The following BRIP1 variants were observed in gnomAD, a reference collection of about 807,000 sequenced individuals.
BRIP1 encodes the protein BRCA1 interacting DNA helicase 1, also known as Fanconi anemia group J protein.
Under a neutral mutation model 119.7 loss-of-function variants are expected in BRIP1, and 88 were observed. The observed-to-expected ratio is 0.74, with a 90% CI of 0.62 to 0.88. The LOEUF (loss-of-function observed/expected upper bound fraction) is 0.88. BRIP1 is among the 40% of genes least tolerant of loss of function. BRIP1 has a pLI of 0.00. For missense variants in BRIP1, 1,259 were observed against 1,455.4 expected (o/e 0.87, Z 2.20); for synonymous variants, 443 against 496.5 (o/e 0.89, Z 1.43).
At chr17:61,837,955 GAAACTAAATGATTTTCATAA>G (rs1197810722) in intron 6 of BRIP1, among the ~76,000 whole-genome samples, 2 of 152,086 alleles carry the variant, frequency 1.3e-5, no homozygotes, top group Non-Finnish European at 2.9e-5. Context: ...CCACTAGGTG[GAAACTAAATGATTTTCATAA>G]AAACTAAGAA....
At position 61,789,349 on chromosome 17, in the gene BRIP1, G is replaced by C. The variant is rs1465993275; in HGVS notation, c.1473+4248C>G. On this transcript the variant is annotated intron_variant, in intron 10 of 19. Transcript: ENST00000259008. The surrounding 1 kb of genome is among the most constrained non-coding windows in gnomAD (Gnocchi z 4.8). ...GTAGCAGAGGTAGCATTACAAATTAGAGGGAAATTAATATGCACTATTTAG... is the reference window on the plus strand; with the variant it reads ...GTAGCAGAGGTAGCATTACAAATTACAGGGAAATTAATATGCACTATTTAG... Among the ~76,000 whole-genome samples, 1 of 151,860 alleles carries C rather than the reference G, an allele frequency of 6.6e-6. No individual in the cohort carries two copies. The highest frequency in any genetic ancestry group is 1.5e-5 in the Non-Finnish European group (1 of 67,974).
intron 14 of BRIP1, among the ~76,000 whole-genome samples, chr17:61,763,786 C>T (rs550047083): frequency 1.3e-5 from 2 of 152,132 alleles, no homozygotes; most frequent in East Asian, 3.9e-4. Context: ...AATACAAGAA[C>T]CCAAATAGAT....
chr17:61,858,788 T>C (rs185290767), intron 3 of BRIP1, among the ~76,000 whole-genome samples: 44 of 152,328 alleles, frequency 2.9e-4, no homozygotes, highest in African/African-American at 9.4e-4. Context: ...CCTAATACTT[T>C]AGGTTAAAGC....
At position 61,748,698 on chromosome 17, in the gene BRIP1, G is replaced by A. The variant is rs1367021029; in HGVS notation, c.2098-4107C>T. Among the ~76,000 whole-genome samples, 1 of 152,182 alleles carries A rather than the reference G, an allele frequency of 6.6e-6. No homozygotes were observed. Among genetic ancestry groups the A allele is most frequent in the Non-Finnish European group, 1.5e-5 (1 of 68,022 alleles). On this transcript the variant is annotated intron_variant, in intron 14 of 19. Transcript: ENST00000259008. This position sits in a 1 kb window ranked among gnomAD's most constrained non-coding sequence, Gnocchi z 4.7. ...TGATCAACTGATCTTCAGCAAGGGT[G>A]CCAAAAATACATAATGGGGAAAGGA... is the stretch of plus-strand genomic sequence containing the variant.
Position 61,827,949 on chromosome 17 carries a change from T to C in BRIP1, c.627+19152A>G, listed in dbSNP as rs2078434057. 6.6e-6 allele frequency among the ~76,000 whole-genome samples: 1 copy of C among 152,178 alleles called. No individual in the cohort carries two copies. The highest frequency in any genetic ancestry group is 2.4e-5 in the African/African-American group (1 of 41,454). Reference sequence around the variant, plus strand: ...GTGGAGAAACTGGAACCCCTGTGCATTGCTGATGGAACTGTAAAATGGTAC... The same window carrying C: ...GTGGAGAAACTGGAACCCCTGTGCACTGCTGATGGAACTGTAAAATGGTAC... On this transcript the variant is annotated intron_variant, in intron 6 of 19. Transcript: ENST00000259008. The surrounding 1 kb of genome is among the most constrained non-coding windows in gnomAD (Gnocchi z 5.8).
rs765453237 is a variant in BRIP1 at position 61,729,408 on chromosome 17, A to T, written c.2380-13345T>A. 4.0e-5 allele frequency among the ~76,000 whole-genome samples: 6 copies of T among 150,520 alleles called. No individual in the cohort carries two copies. Among genetic ancestry groups the T allele is most frequent in the Non-Finnish European group, 8.9e-5 (6 of 67,728 alleles). The stretch of plus-strand genomic sequence containing the variant: ...TAGATTTAATTAAAAATTGTAATGT[A>T]ACTATCTTGGGAGGCTATAAGAAGG... On this transcript the variant is annotated intron_variant, in intron 16 of 19. Transcript: ENST00000259008. This position sits in a 1 kb window ranked among gnomAD's most constrained non-coding sequence, Gnocchi z 5.6.
At chr17:61,847,287 A>G in intron 5 of BRIP1, 67 bp from the exon 6 acceptor site, 1 of 1,532,778 alleles carries the variant, frequency 6.5e-7, no homozygotes, top group Admixed American at 1.7e-5. Context: ...TTGTTCTCAA[A>G]GGCCAAAACA....
rs1040442765 is a variant in BRIP1, at chr17:61,755,277, T to G, written c.2098-10686A>C. ...CCCAAGTCCTTAATAAAAGAAGAGT[T>G]GGCTGGGTGCAGTGGCCCACACCTG... On this transcript the variant is annotated intron_variant, in intron 14 of 19. Coordinates refer to ENST00000259008, the MANE Select transcript of BRIP1 (RefSeq NM_032043.3). This position sits in a 1 kb window ranked among gnomAD's most constrained non-coding sequence, Gnocchi z 4.5. Among the ~76,000 whole-genome samples, 1 of 152,108 alleles carries G rather than the reference T, an allele frequency of 6.6e-6. No homozygotes were observed. Among genetic ancestry groups the G allele is most frequent in the African/African-American group, 2.4e-5 (1 of 41,426 alleles).
chr17:61,768,273 T>C lies in BRIP1; in HGVS notation c.2097+8128A>G, dbSNP rs1381155132. Among the ~76,000 whole-genome samples, 3 of 152,200 alleles carry C rather than the reference T, an allele frequency of 2.0e-5. No individual in the cohort carries two copies. Among genetic ancestry groups the C allele is most frequent in the Admixed American group, 6.5e-5 (1 of 15,280 alleles). On this transcript the variant is annotated intron_variant, in intron 14 of 19. Transcript: ENST00000259008. This position sits in a 1 kb window ranked among gnomAD's most constrained non-coding sequence, Gnocchi z 5.0. Reference sequence around the variant, plus strand: ...ATCTTAAATATAATATAAGCAAGGCTCTCAATATAAATATTTTGGTATTTT... The same window carrying C: ...ATCTTAAATATAATATAAGCAAGGCCCTCAATATAAATATTTTGGTATTTT...
Position 61,776,144 on chromosome 17 carries a change from C to T in BRIP1, c.2097+257G>A. 1 of 440,856 alleles carries T rather than the reference C, an allele frequency of 2.3e-6. No homozygotes were observed. The highest frequency in any genetic ancestry group is 4.2e-6 in the Non-Finnish European group (1 of 239,956). The allele number at this position is 440,856 out of a possible 1,614,324, so 27.3% of individuals were successfully genotyped here. Reference sequence around the variant, plus strand: ...TGATCCTCCCAGCTCAGCCTCCCAACCTGCTGGGATTACAAGCATGAGCCA... The same window carrying T: ...TGATCCTCCCAGCTCAGCCTCCCAATCTGCTGGGATTACAAGCATGAGCCA... On this transcript the variant is annotated intron_variant, in intron 14 of 19. Coordinates refer to ENST00000259008, the MANE Select transcript of BRIP1 (RefSeq NM_032043.3). The surrounding 1 kb of genome is among the most constrained non-coding windows in gnomAD (Gnocchi z 5.0).
chr17:61,786,113 C>T (rs1232395311), intron 10 of BRIP1, among the ~76,000 whole-genome samples: 2 of 151,714 alleles, frequency 1.3e-5, no homozygotes, highest in Non-Finnish European at 2.9e-5. Flanking sequence ...TATAACTATA[C>T]TGGCAGAATA....
At chr17:61,836,108 C>CTT (rs71153409) in intron 6 of BRIP1, among the ~76,000 whole-genome samples, 6 of 79,070 alleles carry the variant, frequency 7.6e-5, no homozygotes, top group Admixed American at 1.5e-4. Flanking sequence ...TGTTATTACT[C>CTT]TTTTTTTTTT....
rs1036152634 is a variant in BRIP1 at position 61,816,332 on chromosome 17, C to T, written c.628-7575G>A. On this transcript the variant is annotated intron_variant, in intron 6 of 19. Coordinates refer to ENST00000259008, the MANE Select transcript of BRIP1 (RefSeq NM_032043.3). This position sits in a 1 kb window ranked among gnomAD's most constrained non-coding sequence, Gnocchi z 5.0. ...TTCAGACTCTGATTGTAACAGACTGCCAGTCTCCTGGAATGTGTAACTGAA... is the reference window on the plus strand; with the variant it reads ...TTCAGACTCTGATTGTAACAGACTGTCAGTCTCCTGGAATGTGTAACTGAA... Among the ~76,000 whole-genome samples the T allele has an allele frequency of 1.4e-4, 22 of 152,146 alleles. No individual in the cohort carries two copies. The highest frequency in any genetic ancestry group is 5.3e-4 in the African/African-American group (22 of 41,428).
chr17:61,825,571 A>G lies in BRIP1; in HGVS notation c.628-16814T>C, dbSNP rs2078393366. 1.3e-5 allele frequency among the ~76,000 whole-genome samples: 2 copies of G among 151,590 alleles called. No homozygotes were observed. The highest frequency in any genetic ancestry group is 1.3e-4 in the Admixed American group (2 of 15,232). On this transcript the variant is annotated intron_variant, in intron 6 of 19. Coordinates refer to ENST00000259008, the MANE Select transcript of BRIP1 (RefSeq NM_032043.3). This position sits in a 1 kb window ranked among gnomAD's most constrained non-coding sequence, Gnocchi z 4.1. ...TTACTGACATTCCAATTCACCATCA[A>G]CTGTCAAGCTGAGAGCCAAATCAGG...
chr17:61,773,505 G>A (rs2077489236), intron 14 of BRIP1, among the ~76,000 whole-genome samples: 1 of 152,096 alleles, frequency 6.6e-6, no homozygotes, highest in African/African-American at 2.4e-5. Context: ...GCATGGGCAA[G>A]GACTTCATGA....
chr17:61,752,809 T>G lies in BRIP1; in HGVS notation c.2098-8218A>C, dbSNP rs965552678. Reference sequence around the variant, plus strand: ...AAAGTGAACAGATTATAAAAATACTTAAAATTAAAATGAGTAAGATATGGT... The same window carrying G: ...AAAGTGAACAGATTATAAAAATACTGAAAATTAAAATGAGTAAGATATGGT... On this transcript the variant is annotated intron_variant, in intron 14 of 19. Coordinates refer to ENST00000259008, the MANE Select transcript of BRIP1 (RefSeq NM_032043.3). The surrounding 1 kb of genome is among the most constrained non-coding windows in gnomAD (Gnocchi z 6.2). 3.9e-5 allele frequency among the ~76,000 whole-genome samples: 6 copies of G among 152,080 alleles called. No homozygotes were observed. Among genetic ancestry groups the G allele is most frequent in the African/African-American group, 1.4e-4 (6 of 41,392 alleles).
chr17:61,771,135 A>G (rs944853609), intron 14 of BRIP1, among the ~76,000 whole-genome samples: 1 of 152,244 alleles, frequency 6.6e-6, no homozygotes, highest in Non-Finnish European at 1.5e-5. Flanking sequence ...CTGAACATGG[A>G]AACATTACAC....
At position 61,844,548 on chromosome 17, in the gene BRIP1, C is replaced by T. The variant is rs1365343601; in HGVS notation, c.627+2553G>A. Reference sequence around the variant, plus strand: ...GAGGTTACAGTGGGCTATGATCACACCACTGCGTTACAACATGGGCAACAC... The same window carrying T: ...GAGGTTACAGTGGGCTATGATCACATCACTGCGTTACAACATGGGCAACAC... On this transcript the variant is annotated intron_variant, in intron 6 of 19. Transcript: ENST00000259008. This position sits in a 1 kb window ranked among gnomAD's most constrained non-coding sequence, Gnocchi z 4.7. Among the ~76,000 whole-genome samples the T allele has an allele frequency of 6.6e-6, 1 of 152,172 alleles. No individual in the cohort carries two copies. Among genetic ancestry groups the T allele is most frequent in the Non-Finnish European group, 1.5e-5 (1 of 68,042 alleles).
intron 14 of BRIP1, among the ~76,000 whole-genome samples, chr17:61,765,220 T>C (rs1484807456): frequency 6.6e-6 from 1 of 150,542 alleles, no homozygotes. Flanking sequence ...CTTCTCAAAC[T>C]AAGTTACCTG....
Sources: allele counts gnomAD v4.1 joint callset (sites outside exome capture counted in the v4.1 genomes callset), GRCh38; gene constraint gnomAD v4.1.1; non-coding constraint Gnocchi (gnomAD v3.1); transcripts MANE v1.5; gene names NCBI Gene and HGNC (gene_info 2026-07-23, HGNC 2026-07-21).